The following GGCT variants were observed in gnomAD, a reference collection of about 807,000 sequenced individuals.
The protein encoded by GGCT is cytochrome c-releasing factor 21.
A neutral mutation model predicts 22.1 loss-of-function variants in GGCT; 20 were observed. The observed-to-expected ratio is 0.91, with a 90% CI of 0.64 to 1.32. The LOEUF is 1.32. Among genes scored for constraint, GGCT ranks in the 40% most tolerant of loss-of-function variants. The probability of loss-of-function intolerance (pLI) is 0.00; values close to 1 mark genes in which losing one functional copy is unlikely to be tolerated. For missense variants in GGCT, 209 were observed against 223.5 expected (o/e 0.94, Z 0.41); for synonymous variants, 72 against 78.4 (o/e 0.92, Z 0.43).
In GGCT at chr7:30,500,601, A is replaced by C. The variant is rs1454207444; in HGVS notation, c.222T>G (p.Ser74Arg). The C allele has an allele frequency of 5.6e-6, 9 of 1,613,758 alleles. No individual in the cohort carries two copies. The highest frequency in any genetic ancestry group is 6.8e-6 in the Non-Finnish European group (8 of 1,179,720). ...WHGGIATIFQ[S>R]PGDEVWGVVW... The stretch of plus-strand genomic sequence containing the variant: ...CTACTCCCCACACTTCATCGCCAGG[A>C]CTCTGAAAAATGGTGGCTATCCCTC... The change falls in exon 2 of 4, where the codon AGT becomes AGG. Residue 74 changes from serine to arginine, a missense_variant. Physicochemically the swap from Ser to Arg is moderately radical, Grantham distance 110. Transcript: ENST00000275428.
rs1789796710 is a variant in GGCT at position 30,504,779 on chromosome 7, G to A, written c.-70C>T. The A allele has an allele frequency of 6.7e-6, 10 of 1,497,676 alleles. No individual in the cohort carries two copies. The South Asian group carries it at 8.0e-5, about 12-fold the overall frequency. 92.8% of individuals were successfully genotyped at this position (1,497,676 alleles called of 1,614,324 possible). A position where few individuals can be genotyped will look rare whatever the true frequency, so the allele number is the denominator to read the frequency against. Reference sequence around the variant, plus strand: ...AACGGCCAGAGAGCGCAACACTGGGGCCCACTACCCCGGCGCAGTGACCGC... The same window carrying A: ...AACGGCCAGAGAGCGCAACACTGGGACCCACTACCCCGGCGCAGTGACCGC... On this transcript the variant is annotated 5_prime_UTR_variant, in exon 1 of 4. Coordinates refer to ENST00000275428, the MANE Select transcript of GGCT (RefSeq NM_024051.4).
chr7:30,500,623 C>T lies in GGCT; in HGVS notation c.200G>A (p.Gly67Glu). The change falls in exon 2 of 4, where the codon GGG (glycine) becomes GAG (glutamate). Residue 67 changes from glycine (G) to glutamate (E), a missense_variant. Physicochemically the swap from Gly to Glu is moderately conservative, Grantham distance 98. Transcript: ENST00000275428. ...QGKTSQTWHG[G>E]IATIFQSPGD... ...AGGACTCTGAAAAATGGTGGCTATC[C>T]CTCCATGCCAAGTTTGACTTGTTTT... 6.2e-7 allele frequency: 1 copy of T among 1,613,480 alleles called. No homozygotes were observed. The highest frequency in any genetic ancestry group is 2.2e-5 in the East Asian group (1 of 44,854).
At position 30,504,799 on chromosome 7, in the gene GGCT, G is replaced by A; in HGVS notation, c.-90C>T. 7.4e-7 allele frequency: 1 copy of A among 1,344,894 alleles called. No individual in the cohort carries two copies. The highest frequency in any genetic ancestry group is 1.1e-6 in the Non-Finnish European group (1 of 948,960). 83.3% of individuals were successfully genotyped at this position (1,344,894 alleles called of 1,614,324 possible). The stretch of plus-strand genomic sequence containing the variant: ...CTGGGGCCCACTACCCCGGCGCAGT[G>A]ACCGCCGCGCGGCAGCCTCAGGGTT... On this transcript the variant is annotated 5_prime_UTR_variant, in exon 1 of 4. Coordinates refer to ENST00000275428, the MANE Select transcript of GGCT (RefSeq NM_024051.4).
chr7:30,500,686 A>G lies in GGCT; in HGVS notation c.142-5T>C. On this transcript the variant is annotated splice_polypyrimidine_tract_variant and splice_region_variant and intron_variant, in intron 1 of 3. Transcript: ENST00000275428. ...GCCAAAGTCAAGCTTAAAATCCTAC[A>G]AAGGAAATCAAAGTGATATGATCAA... 1 of 1,612,380 alleles carries G rather than the reference A, an allele frequency of 6.2e-7. No homozygotes were observed. Among genetic ancestry groups the G allele is most frequent in the Non-Finnish European group, 8.5e-7 (1 of 1,178,928 alleles).
rs768650349 is a variant in GGCT at position 30,497,025 on chromosome 7, T to C, written c.*67A>G. On this transcript the variant is annotated 3_prime_UTR_variant, in exon 4 of 4. Transcript: ENST00000275428. ...CAAACGTGGAGATCCCCCAGATCCC[T>C]GTTCTCAAGTGTTAAAAATATTTTA... The C allele has an allele frequency of 1.9e-6, 2 of 1,043,268 alleles. No homozygotes were observed. The highest frequency in any genetic ancestry group is 1.4e-6 in the Non-Finnish European group (1 of 718,334). 64.6% of individuals were successfully genotyped at this position (1,043,268 alleles called of 1,614,324 possible). A position where few individuals can be genotyped will look rare whatever the true frequency, so the allele number is the denominator to read the frequency against.
chr7:30,498,905 TAC>T lies in GGCT; in HGVS notation c.319_320del (p.Val107AsnfsTer4). ...QEGVKSGMYV[V>X]IEVKVATQEG... is the part of the protein sequence containing the mutation. ...CTTGAGTTGCAACTTTAACTTCTAT[TAC>T]AACATACATTCCACTTTTAACCCCT... On this transcript the variant is annotated frameshift_variant, in exon 3 of 4. Coordinates refer to ENST00000275428, the MANE Select transcript of GGCT (RefSeq NM_024051.4). LOFTEE classifies it high-confidence loss of function. 4 of 1,613,660 alleles carry T rather than the reference TAC, an allele frequency of 2.5e-6. No homozygotes were observed. The highest frequency in any genetic ancestry group is 3.4e-6 in the Non-Finnish European group (4 of 1,179,710).
intron 2 of GGCT, among the ~76,000 whole-genome samples, chr7:30,499,220 C>T (rs1013232963): frequency 2.0e-5 from 3 of 151,550 alleles, no homozygotes; most frequent in African/African-American, 7.3e-5. Context: ...CCAGCCTGGC[C>T]AACATGGTGA....
intron 1 of GGCT, among the ~76,000 whole-genome samples, chr7:30,503,318 T>C (rs988562347): frequency 6.6e-6 from 1 of 152,166 alleles, no homozygotes; most frequent in African/African-American, 2.4e-5. Flanking sequence ...CTTCCTACAG[T>C]TGGGAAATTC....
At chr7:30,500,457 A>G in intron 2 of GGCT, 79 bp downstream of exon 2, 2 of 1,163,812 alleles carry the variant, frequency 1.7e-6, no homozygotes, top group Non-Finnish European at 2.5e-6. Flanking sequence ...TTGAAAAACT[A>G]ACACACAGGT....
intron 3 of GGCT, chr7:30,497,842 C>T (rs1789590333): frequency 1.4e-6 from 2 of 1,451,876 alleles, no homozygotes; most frequent in Non-Finnish European, 1.8e-6. Flanking sequence ...TTGTCTTGTG[C>T]TTGCAAGGGT....
intron 2 of GGCT, among the ~76,000 whole-genome samples, chr7:30,499,552 C>T (rs941183475): frequency 4.0e-5 from 6 of 150,484 alleles, no homozygotes; most frequent in African/African-American, 1.5e-4. Context: ...AAAAAAAAAA[C>T]ACACAAAAAA....
chr7:30,497,747 C>G (rs1789586605), intron 3 of GGCT: 2 of 1,402,876 alleles, frequency 1.4e-6, no homozygotes, highest in Non-Finnish European at 1.9e-6. Context: ...TTACCTATTA[C>G]AGGTGCCATG....
In GGCT at chr7:30,504,815, C is replaced by T; in HGVS notation, c.-106G>A. ...CGGCGCAGTGACCGCCGCGCGGCAG[C>T]CTCAGGGTTAGGGGACTGGCGGGAA... is the stretch of plus-strand genomic sequence containing the variant. On this transcript the variant is annotated 5_prime_UTR_variant, in exon 1 of 4. Transcript: ENST00000275428. 1 of 1,193,886 alleles carries T rather than the reference C, an allele frequency of 8.4e-7. No individual in the cohort carries two copies. The highest frequency in any genetic ancestry group is 1.2e-6 in the Non-Finnish European group (1 of 818,160). 74.0% of individuals were successfully genotyped at this position (1,193,886 alleles called of 1,614,324 possible). A position where few individuals can be genotyped will look rare whatever the true frequency, so the allele number is the denominator to read the frequency against.
In GGCT at chr7:30,498,858, C is replaced by A; in HGVS notation, c.368G>T (p.Arg123Leu). 4 of 1,612,484 alleles carry A rather than the reference C, an allele frequency of 2.5e-6. No homozygotes were observed. The highest frequency in any genetic ancestry group is 3.4e-6 in the Non-Finnish European group (4 of 1,178,482). The change falls in exon 3 of 4, where the codon CGA (arginine) becomes CTA (leucine). Residue 123 changes from arginine (R) to leucine (L), a missense_variant. Transcript: ENST00000275428. ...ATQEGKEITC[R>L]SYLMTNYESA... Reference sequence around the variant, plus strand: ...TTCGTAATTTGTCATCAGATAACTTCGACAGGTTATTTCTTTTCCTTCTTG... The same window carrying A: ...TTCGTAATTTGTCATCAGATAACTTAGACAGGTTATTTCTTTTCCTTCTTG...
chr7:30,498,117 A>T (rs868794485), intron 3 of GGCT, among the ~76,000 whole-genome samples: 4 of 149,004 alleles, frequency 2.7e-5, no homozygotes, highest in African/African-American at 9.8e-5. Context: ...TACACTCATA[A>T]ATATTCTTTC....
intron 3 of GGCT, chr7:30,497,454 A>C: frequency 2.6e-6 from 1 of 388,098 alleles, no homozygotes; most frequent in Non-Finnish European, 4.5e-6. Flanking sequence ...ATCCTCATGG[A>C]ATATCAACTT....
chr7:30,500,513 A>G, intron 2 of GGCT, 23 bp downstream of exon 2: 2 of 1,592,104 alleles, frequency 1.3e-6, no homozygotes, highest in Non-Finnish European at 1.7e-6. Context: ...TTACTGTTTA[A>G]CTTATAATTA....
chr7:30,499,834 G>GT (rs1253849073), intron 2 of GGCT, among the ~76,000 whole-genome samples: 5 of 94,158 alleles, frequency 5.3e-5, no homozygotes, highest in East Asian at 7.0e-4. Flanking sequence ...CTTCAATATA[G>GT]TTTGTTTTTT....
chr7:30,498,937 G>T lies in GGCT; in HGVS notation c.289C>A (p.Gln97Lys). 6.2e-7 allele frequency: 1 copy of T among 1,613,860 alleles called. No homozygotes were observed. Among genetic ancestry groups the T allele is most frequent in the Non-Finnish European group, 8.5e-7 (1 of 1,179,880 alleles). ...NKSNLNSLDE[Q>K]EGVKSGMYVV... ...TACATTCCACTTTTAACCCCTTCTT[G>T]CCTGAAACCAGAACAGCCAAATTTT... Residue 97 changes from glutamine to lysine, a missense_variant and splice_region_variant, in exon 3 of 4, where the codon CAA (glutamine) becomes AAA (lysine). Physicochemically the swap from Gln to Lys is moderately conservative, Grantham distance 53. Transcript: ENST00000275428.
Sources: allele counts gnomAD v4.1 joint callset (sites outside exome capture counted in the v4.1 genomes callset), GRCh38; gene constraint gnomAD v4.1.1; transcripts MANE v1.5; gene names NCBI Gene and HGNC (gene_info 2026-07-23, HGNC 2026-07-21).